Variants in EPB42 observed in about 807,000 individuals in gnomAD.
The protein encoded by EPB42 is protein 4.2.
A neutral mutation model predicts 76.9 loss-of-function variants in EPB42; 49 were observed. The ratio of observed to expected loss-of-function variants is 0.64; its 90% CI spans 0.51 to 0.81. EPB42 has a LOEUF of 0.81. Ranked by LOEUF, EPB42 falls within the 30% of genes least tolerant of loss-of-function variation. The probability of loss-of-function intolerance (pLI) is 0.00; values close to 1 mark genes in which losing one functional copy is unlikely to be tolerated. For synonymous variants in EPB42, 310 were observed against 338.4 expected (o/e 0.92, Z 0.92); for missense variants, 731 against 867.6 (o/e 0.84, Z 1.98).
intron 3 of EPB42, among the ~76,000 whole-genome samples, chr15:43,213,822 G>T (rs1169079585): frequency 6.6e-6 from 1 of 152,252 alleles, no homozygotes; most frequent in Admixed American, 6.5e-5. Context: ...CAGGAAATAA[G>T]GGCCTGAGCT....
chr15:43,201,250 C>A (rs1331630871), intron 12 of EPB42, among the ~76,000 whole-genome samples: 1 of 152,076 alleles, frequency 6.6e-6, no homozygotes, highest in Non-Finnish European at 1.5e-5. Context: ...GGTGGGTGTA[C>A]ACGATGAAAT....
intron 2 of EPB42, among the ~76,000 whole-genome samples, 174 bp from the exon 3 acceptor site, chr15:43,215,502 T>C (rs150708715): frequency 5.9e-5 from 9 of 152,282 alleles, no homozygotes; most frequent in African/African-American, 2.2e-4. Flanking sequence ...GCAAAGGCTT[T>C]TGGCACCCAT....
At chr15:43,198,846 C>T (rs1003196147) in intron 12 of EPB42, among the ~76,000 whole-genome samples, 1 of 152,194 alleles carries the variant, frequency 6.6e-6, no homozygotes, top group Admixed American at 6.5e-5. Flanking sequence ...TGTGTCCCAG[C>T]CACTCCAGCC....
chr15:43,222,715 T>A (rs2042473379), upstream of EPB42, among the ~76,000 whole-genome samples: 1 of 152,242 alleles, frequency 6.6e-6, no homozygotes, highest in Admixed American at 6.5e-5. Flanking sequence ...AATACATGTA[T>A]TAAATGTATG....
At chr15:43,219,662 A>G (rs1275677981) in intron 1 of EPB42, among the ~76,000 whole-genome samples, 1 of 152,186 alleles carries the variant, frequency 6.6e-6, no homozygotes, top group Non-Finnish European at 1.5e-5. Flanking sequence ...AAAAAGAACG[A>G]TTTGGCCAGG....
intron 1 of EPB42, among the ~76,000 whole-genome samples, chr15:43,219,686 G>A (rs1213087282): frequency 1.3e-5 from 2 of 152,200 alleles, no homozygotes; most frequent in Admixed American, 6.5e-5. Flanking sequence ...AGTGGCTCAC[G>A]CCTGTAATCC....
At position 43,197,414 on chromosome 15, in the gene EPB42, G is replaced by A. The variant is rs369127523; in HGVS notation, c.1964C>T (p.Thr655Met). 3.1e-5 allele frequency: 50 copies of A among 1,614,044 alleles called. No homozygotes were observed. The highest frequency in any genetic ancestry group is 6.7e-5 in the African/African-American group (5 of 74,926). Reference protein sequence around the residue: ...ENTMCAKFQFTPTHVGLQRLT... With the variant: ...ENTMCAKFQFMPTHVGLQRLT... ...TCTCTGGAGCCCCACATGTGTTGGC[G>A]TGAACTGGAACTTGGCACACATGGT... The change falls in exon 13 of 13, where the codon ACG becomes ATG. Residue 655 changes from threonine (T) to methionine (M), a missense_variant. Transcript: ENST00000441366.
upstream of EPB42, among the ~76,000 whole-genome samples, chr15:43,223,059 T>C (rs189337288): frequency 6.6e-5 from 10 of 152,358 alleles, no homozygotes; most frequent in East Asian, 1.9e-3. Context: ...GGCTCACACC[T>C]GTAATCCCAG....
chr15:43,214,401 A>T (rs2042345169), intron 3 of EPB42, among the ~76,000 whole-genome samples: 1 of 152,118 alleles, frequency 6.6e-6, no homozygotes, highest in African/African-American at 2.4e-5. Flanking sequence ...TAGTCTGGTG[A>T]ACCGTAGGGT....
chr15:43,215,288 GA>G lies in EPB42; in HGVS notation c.236del (p.Phe79SerfsTer28). On this transcript the variant is annotated frameshift_variant, in exon 3 of 13. Coordinates refer to ENST00000441366, the MANE Select transcript of EPB42 (RefSeq NM_001114134.2). LOFTEE classifies it high-confidence loss of function. ...TTCGGTCCCCCAGACTGGAAATTGG[GA>G]ATGTGGCTTGGGTCCTGTTGATCTT... ...PSKINRTQAT[F>X]PISSLGDRKW... 6.2e-7 allele frequency: 1 copy of G among 1,614,224 alleles called. No homozygotes were observed.
chr15:43,223,210 G>T (rs2042477951), upstream of EPB42, among the ~76,000 whole-genome samples: 1 of 152,108 alleles, frequency 6.6e-6, no homozygotes, highest in Non-Finnish European at 1.5e-5. Flanking sequence ...CCAGCTACTT[G>T]GGAGGCTGAG....
intron 6 of EPB42, 139 bp downstream of exon 6, chr15:43,209,135 G>C: frequency 9.6e-7 from 1 of 1,042,586 alleles, no homozygotes; most frequent in Non-Finnish European, 1.4e-6. Flanking sequence ...AGCTGCCTGG[G>C]ACAACTACTT....
At position 43,209,576 on chromosome 15, in the gene EPB42, C is replaced by A. The variant is rs887959498; in HGVS notation, c.655-125G>T. ...GAACAGATCCCCAGCATTAGAGCCA[C>A]CTGGTACTGGTTAAACCTGCATGCT... On this transcript the variant is annotated intron_variant, in intron 5 of 12. Transcript: ENST00000441366. 2.3e-5 allele frequency: 25 copies of A among 1,089,518 alleles called. 1 individual carries two copies. Among genetic ancestry groups the A allele is most frequent in the Non-Finnish European group, 2.8e-5 (21 of 743,986 alleles). The allele number at this position is 1,089,518 out of a possible 1,614,324, so 67.5% of individuals were successfully genotyped here. A position where few individuals can be genotyped will look rare whatever the true frequency, so the allele number is the denominator to read the frequency against.
chr15:43,220,653 C>T (rs546531258), intron 1 of EPB42, 163 bp downstream of exon 1: 1 of 943,618 alleles, frequency 1.1e-6, no homozygotes, highest in Non-Finnish European at 1.6e-6. Flanking sequence ...TACCACACCC[C>T]CCCCCCACAG....
At chr15:43,220,686 C>A (rs773032103) in intron 1 of EPB42, 130 bp downstream of exon 1, 1 of 1,546,766 alleles carries the variant, frequency 6.5e-7, no homozygotes. Flanking sequence ...CACCAGTACC[C>A]CCTCCCCCAC....
chr15:43,220,830 G>C lies in EPB42; in HGVS notation c.-5C>G. ...GCTTGGCTCACCCTGTCCCATGGTT[G>C]CAGGCCGCTCCTCTTATCCACTTGG... is the stretch of plus-strand genomic sequence containing the variant. On this transcript the variant is annotated 5_prime_UTR_variant, in exon 1 of 13. Coordinates refer to ENST00000441366, the MANE Select transcript of EPB42 (RefSeq NM_001114134.2). 1 of 1,610,684 alleles carries C rather than the reference G, an allele frequency of 6.2e-7. No individual in the cohort carries two copies. Among genetic ancestry groups the C allele is most frequent in the Non-Finnish European group, 8.5e-7 (1 of 1,179,916 alleles).
In EPB42 at chr15:43,206,404, G is replaced by T; in HGVS notation, c.1544C>A (p.Ala515Asp). 6.2e-7 allele frequency: 1 copy of T among 1,614,152 alleles called. No individual in the cohort carries two copies. Among genetic ancestry groups the T allele is most frequent in the Non-Finnish European group, 8.5e-7 (1 of 1,180,018 alleles). ...KAVQLAIGVQ[A>D]VHYNGVLAAK... is the part of the protein sequence containing the mutation. ...AGCAAGGACACCGTTGTAGTGTACA[G>T]CCTGGACCCCAATTGCCAGCTGCAC... The change falls in exon 10 of 13, where the codon GCT becomes GAT. Residue 515 changes from alanine (A) to aspartate (D), a missense_variant. Transcript: ENST00000441366. The surrounding 1 kb of genome is among the most constrained non-coding windows in gnomAD (Gnocchi z 4.7).
intron 8 of EPB42, among the ~76,000 whole-genome samples, chr15:43,207,711 C>T (rs1184240815): frequency 1.3e-5 from 2 of 152,206 alleles, no homozygotes; most frequent in Non-Finnish European, 2.9e-5. Flanking sequence ...TCATATTTAG[C>T]GTGAGGAGCT....
intron 3 of EPB42, 75 bp downstream of exon 3, chr15:43,215,020 C>A: frequency 7.6e-7 from 1 of 1,317,916 alleles, no homozygotes; most frequent in Admixed American, 1.9e-5. Flanking sequence ...TGCAGGTGCT[C>A]CCTGCCAGAG....
Sources: allele counts gnomAD v4.1 joint callset (sites outside exome capture counted in the v4.1 genomes callset), GRCh38; gene constraint gnomAD v4.1.1; non-coding constraint Gnocchi (gnomAD v3.1); transcripts MANE v1.5; gene names NCBI Gene and HGNC (gene_info 2026-07-23, HGNC 2026-07-21).